The following SUMF1 variants were observed in gnomAD, a reference collection of about 807,000 sequenced individuals.
SUMF1 encodes formylglycine-generating enzyme.
In SUMF1, 48 loss-of-function variants were observed where a neutral mutation model predicts 47.6. The observed-to-expected ratio is 1.01, with a 90% confidence interval of 0.80 to 1.28. The LOEUF (loss-of-function observed/expected upper bound fraction) is 1.28, where lower values mean the gene tolerates loss of function less well. SUMF1 is among the 50% of genes most tolerant of loss of function. The pLI is 0.00. For synonymous variants in SUMF1, 230 were observed against 192.1 expected, an observed-to-expected ratio of 1.20 and a Z score of -1.63; for missense variants, 571 against 485.4, an observed-to-expected ratio of 1.18 and a Z score of -1.66.
intron 8 of SUMF1, among the ~76,000 whole-genome samples, chr3:4,375,584 GT>G (rs1224420387): frequency 6.6e-6 from 1 of 152,144 alleles, no homozygotes; most frequent in Admixed American, 6.5e-5. Context: ...ATTATAGGTG[GT>G]TTTAAGTCTC....
intron 9 of SUMF1, among the ~76,000 whole-genome samples, chr3:4,057,848 C>T (rs1695217788): frequency 6.6e-6 from 1 of 152,012 alleles, no homozygotes; most frequent in Admixed American, 6.6e-5. Flanking sequence ...TAACTTGTCT[C>T]AAGTTAACAA....
At chr3:4,173,515 A>G (rs1365604718) in intron 8 of SUMF1, among the ~76,000 whole-genome samples, 2 of 152,214 alleles carry the variant, frequency 1.3e-5, no homozygotes, top group African/African-American at 4.8e-5. Context: ...TTGACCCAGC[A>G]ATCCCATTAA....
chr3:4,228,645 T>C (rs1296876143), intron 8 of SUMF1, among the ~76,000 whole-genome samples: 1 of 152,150 alleles, frequency 6.6e-6, no homozygotes, highest in Non-Finnish European at 1.5e-5. Flanking sequence ...AAACACCTGC[T>C]CTCTTTAAAT....
At chr3:4,254,259 T>G (rs376585777) in intron 8 of SUMF1, among the ~76,000 whole-genome samples, 2 of 151,838 alleles carry the variant, frequency 1.3e-5, no homozygotes, top group South Asian at 2.1e-4. Flanking sequence ...CAAAGCTGGA[T>G]GGAGAATGAC....
intron 8 of SUMF1, among the ~76,000 whole-genome samples, chr3:4,243,513 T>G (rs945936202): frequency 6.6e-6 from 1 of 152,238 alleles, no homozygotes; most frequent in Non-Finnish European, 1.5e-5. Flanking sequence ...CTTCATTTCG[T>G]TATTTACCCA....
At chr3:4,307,328 T>A (rs1213297076) in intron 8 of SUMF1, among the ~76,000 whole-genome samples, 1 of 152,212 alleles carries the variant, frequency 6.6e-6, no homozygotes, top group African/African-American at 2.4e-5. Flanking sequence ...TGCCTTGTCC[T>A]ATGGATAGGA....
intron 3 of SUMF1, among the ~76,000 whole-genome samples, chr3:4,434,072 TTAGAA>T (rs1702320222): frequency 6.6e-6 from 1 of 152,234 alleles, no homozygotes; most frequent in Non-Finnish European, 1.5e-5. Context: ...CGTGAGGTAC[TTAGAA>T]TAGGAGAATT....
chr3:4,225,549 G>A (rs1696155165), intron 8 of SUMF1, among the ~76,000 whole-genome samples: 1 of 152,084 alleles, frequency 6.6e-6, no homozygotes, highest in Non-Finnish European at 1.5e-5. Flanking sequence ...TTCAGTCTAT[G>A]GTAAATAAAC....
intron 9 of SUMF1, among the ~76,000 whole-genome samples, chr3:4,054,799 T>C (rs571804593): frequency 6.6e-6 from 1 of 152,282 alleles, no homozygotes; most frequent in South Asian, 2.1e-4. Context: ...TATTGAGCTG[T>C]TAATTTGCAC....
intron 8 of SUMF1, among the ~76,000 whole-genome samples, chr3:4,144,059 C>T (rs546433819): frequency 2.7e-5 from 4 of 148,548 alleles, no homozygotes; most frequent in Non-Finnish European, 4.4e-5. Flanking sequence ...GGCCCGATCT[C>T]GGCTCTCTGC....
chr3:4,371,853 G>A (rs1700178635), intron 8 of SUMF1, among the ~76,000 whole-genome samples: 1 of 152,190 alleles, frequency 6.6e-6, no homozygotes, highest in South Asian at 2.1e-4. Flanking sequence ...TTTATAAATG[G>A]TGGATCCAAG....
intron 1 of SUMF1, among the ~76,000 whole-genome samples, chr3:4,465,476 T>TAAA (rs991984480): frequency 7.6e-6 from 1 of 131,282 alleles, no homozygotes; most frequent in Non-Finnish European, 1.6e-5. Flanking sequence ...AGACTCCGTC[T>TAAA]AAAAAAAAAA....
intron 7 of SUMF1, among the ~76,000 whole-genome samples, chr3:4,388,227 G>C (rs1700736824): frequency 6.6e-6 from 1 of 151,860 alleles, no homozygotes; most frequent in South Asian, 2.1e-4. Flanking sequence ...ATTACTTTTT[G>C]CTTCACATGT....
chr3:4,131,445 C>CA (rs1693786359), intron 8 of SUMF1, among the ~76,000 whole-genome samples: 1 of 152,164 alleles, frequency 6.6e-6, no homozygotes, highest in African/African-American at 2.4e-5. Context: ...AAGCACCACC[C>CA]AAAAGTGGAC....
At chr3:4,246,249 A>T (rs1442772624) in intron 8 of SUMF1, among the ~76,000 whole-genome samples, 2 of 151,040 alleles carry the variant, frequency 1.3e-5, no homozygotes, top group African/African-American at 4.9e-5. Flanking sequence ...GCTTCTGCTC[A>T]CCCTCCGTGG....
intron 8 of SUMF1, among the ~76,000 whole-genome samples, chr3:4,135,088 T>C (rs1041321924): frequency 3.9e-5 from 6 of 151,924 alleles, no homozygotes; most frequent in Admixed American, 3.3e-4. Context: ...TTCCAATCAA[T>C]AGAAAAAGAG....
At chr3:4,463,936 T>C (rs1382955269) in intron 1 of SUMF1, among the ~76,000 whole-genome samples, 1 of 152,254 alleles carries the variant, frequency 6.6e-6, no homozygotes, top group Non-Finnish European at 1.5e-5. Context: ...AACATCTATA[T>C]TGTTTCCCAG....
intron 8 of SUMF1, among the ~76,000 whole-genome samples, chr3:4,239,530 G>A (rs747549328): frequency 2.0e-5 from 3 of 152,096 alleles, no homozygotes; most frequent in African/African-American, 4.8e-5. Context: ...TATTCTCCTT[G>A]TAGCAATTGT....
intron 9 of SUMF1, among the ~76,000 whole-genome samples, chr3:4,062,071 C>G (rs951383555): frequency 1.3e-5 from 2 of 152,022 alleles, no homozygotes; most frequent in Non-Finnish European, 2.9e-5. Context: ...GAACAGCACC[C>G]CCTTCCTCAT....
Sources: gnomAD v4.1 joint callset for allele counts (sites outside exome capture counted in the v4.1 genomes callset) on GRCh38, gnomAD v4.1.1 for gene constraint, MANE v1.5 for transcripts, NCBI Gene and HGNC (gene_info 2026-07-23, HGNC 2026-07-21) for gene names.